The following MAST2 variants were observed in gnomAD, a reference collection of about 807,000 sequenced individuals.
MAST2 encodes the protein microtubule associated serine/threonine kinase 2, also known as microtubule-associated serine/threonine-protein kinase 2.
A neutral mutation model predicts 147.4 loss-of-function variants in MAST2; 70 were observed. The ratio of observed to expected loss-of-function variants is 0.47; its 90% CI spans 0.39 to 0.58. The LOEUF is 0.58. MAST2 is among the 20% of genes least tolerant of loss of function. MAST2 has a pLI of 0.00. For synonymous variants in MAST2, 869 were observed against 896.8 expected (o/e 0.97, Z 0.55); for missense variants, 2,080 against 2,302.3 (o/e 0.90, Z 1.98).
chr1:45,816,051 A>G (rs955895582), intron 1 of MAST2, among the ~76,000 whole-genome samples: 3 of 152,138 alleles, frequency 2.0e-5, no homozygotes, highest in Admixed American at 2.0e-4. Context: ...TTTTCCTTGT[A>G]GACACACAGA....
chr1:46,011,194 G>A (rs533590043), intron 10 of MAST2: 14 of 485,458 alleles, frequency 2.9e-5, no homozygotes, highest in African/African-American at 5.8e-5. Context: ...TGTATTACGC[G>A]AAGCTCCACC....
intron 5 of MAST2, among the ~76,000 whole-genome samples, chr1:45,971,315 T>TAG (rs1643904813): frequency 1.3e-5 from 2 of 152,130 alleles, no homozygotes; most frequent in South Asian, 4.1e-4. Flanking sequence ...TGGTCAGGCC[T>TAG]AGAGAGAGAA....
chr1:45,985,656 C>T (rs1325833582), intron 5 of MAST2, among the ~76,000 whole-genome samples: 1 of 152,152 alleles, frequency 6.6e-6, no homozygotes, highest in Non-Finnish European at 1.5e-5. Context: ...ATCAGACAGG[C>T]AGCTGGTATT....
At chr1:45,967,900 TTA>T (rs1432630262) in intron 5 of MAST2, among the ~76,000 whole-genome samples, 1 of 152,232 alleles carries the variant, frequency 6.6e-6, no homozygotes, top group Non-Finnish European at 1.5e-5. Context: ...TTCATTTCAC[TTA>T]TATATAAGCA....
chr1:46,029,410 C>T, intron 18 of MAST2, 56 bp from the exon 19 acceptor site: 1 of 1,427,984 alleles, frequency 7.0e-7, no homozygotes, highest in Non-Finnish European at 9.8e-7. Flanking sequence ...CCCTCTTCTG[C>T]ATCTCTCCAC....
chr1:45,858,878 C>T (rs1461558033), intron 3 of MAST2, among the ~76,000 whole-genome samples: 1 of 152,062 alleles, frequency 6.6e-6, no homozygotes, highest in Non-Finnish European at 1.5e-5. Context: ...GGAATCCTTT[C>T]CCCATTGTTT....
chr1:45,996,161 C>T (rs1420288737), intron 5 of MAST2, among the ~76,000 whole-genome samples: 2 of 151,558 alleles, frequency 1.3e-5, no homozygotes, highest in East Asian at 3.9e-4. Context: ...ACTATGCGCA[C>T]CTGGAAGATT....
At chr1:45,934,587 G>A (rs532562518) in intron 4 of MAST2, among the ~76,000 whole-genome samples, 3 of 152,280 alleles carry the variant, frequency 2.0e-5, no homozygotes, top group East Asian at 3.9e-4. Context: ...CACCACACCC[G>A]ACTACTTTTT....
intron 3 of MAST2, among the ~76,000 whole-genome samples, chr1:45,841,792 G>A (rs1329469646): frequency 6.6e-6 from 1 of 152,146 alleles, no homozygotes; most frequent in Non-Finnish European, 1.5e-5. Context: ...TTCCTTAGGG[G>A]TATTTATGGA....
chr1:45,955,292 A>G (rs1012550026), intron 4 of MAST2, among the ~76,000 whole-genome samples: 14 of 152,238 alleles, frequency 9.2e-5, no homozygotes, highest in South Asian at 2.1e-4. Context: ...ATATTCGCAT[A>G]TAACCTATAC....
At chr1:45,830,028 T>G (rs2147813976) in intron 3 of MAST2, among the ~76,000 whole-genome samples, 1 of 151,840 alleles carries the variant, frequency 6.6e-6, no homozygotes, top group Middle Eastern at 3.4e-3. Context: ...CTAATTTTTT[T>G]GTATTACTAG....
chr1:45,962,943 C>A (rs199716743), intron 5 of MAST2, among the ~76,000 whole-genome samples: 4,495 of 152,082 alleles, frequency 0.03, 162 homozygotes, highest in East Asian at 0.16. Flanking sequence ...TTTTTGTATA[C>A]GGTGTAAGGA....
rs1646781595 is a variant in MAST2, at chr1:46,033,853, A to C, written c.3589A>C (p.Lys1197Gln). Residue 1197 changes from lysine to glutamine, a missense_variant, in exon 27 of 29, where the codon AAA (lysine) becomes CAA (glutamine). Physicochemically the swap from Lys to Gln is moderately conservative, Grantham distance 53. This residue lies in a region of MAST2 where 1,278 missense variants were observed against 1,304.2 expected (regional missense o/e 0.98). Coordinates refer to ENST00000361297, the MANE Select transcript of MAST2 (RefSeq NM_015112.3). Reference protein sequence around the residue: ...STTPLENTSIKVGPARKGSYK... With the variant: ...STTPLENTSIQVGPARKGSYK... ...AACTCCCCTGGAGAACACATCCATT[A>C]AAGTGGGGCCAGCTCGGAAGGGCAG... is the stretch of plus-strand genomic sequence containing the variant. The C allele has an allele frequency of 6.2e-7, 1 of 1,614,188 alleles. No homozygotes were observed. The highest frequency in any genetic ancestry group is 1.7e-5 in the Admixed American group (1 of 60,018).
At chr1:45,883,692 CTAT>C (rs1262029764) in intron 4 of MAST2, among the ~76,000 whole-genome samples, 1 of 151,644 alleles carries the variant, frequency 6.6e-6, no homozygotes, top group African/African-American at 2.4e-5. Flanking sequence ...TGGATGAATT[CTAT>C]TATTTAAGAG....
At chr1:45,847,130 C>T (rs1390198020) in intron 3 of MAST2, 2 of 493,690 alleles carry the variant, frequency 4.1e-6, no homozygotes, top group South Asian at 1.6e-5. Context: ...AGATTTTTCT[C>T]ATTTTAATAT....
chr1:45,861,954 CCTGA>C (rs1196371124), intron 3 of MAST2, among the ~76,000 whole-genome samples: 4 of 152,164 alleles, frequency 2.6e-5, no homozygotes, highest in Admixed American at 6.5e-5. Flanking sequence ...TTCAGCAGTC[CCTGA>C]CTATCTTTTC....
intron 3 of MAST2, chr1:45,847,369 C>T (rs1645471872): frequency 2.0e-6 from 1 of 506,316 alleles, no homozygotes; most frequent in African/African-American, 2.0e-5. Flanking sequence ...AATTTAAGTA[C>T]CTTTCAGTTA....
At chr1:45,945,112 C>CTGT (rs1657844195) in intron 4 of MAST2, among the ~76,000 whole-genome samples, 1 of 152,070 alleles carries the variant, frequency 6.6e-6, no homozygotes, top group Non-Finnish European at 1.5e-5. Context: ...CCAGCCTGGG[C>CTGT]AACATAGTGA....
chr1:45,938,309 T>C (rs1656602474), intron 4 of MAST2, among the ~76,000 whole-genome samples: 2 of 152,138 alleles, frequency 1.3e-5, no homozygotes, highest in South Asian at 4.1e-4. Context: ...TTGTGTTGTA[T>C]GGTAAGTTTA....
Sources: allele counts gnomAD v4.1 joint callset (sites outside exome capture counted in the v4.1 genomes callset), GRCh38; gene constraint gnomAD v4.1.1; regional missense constraint gnomAD v4.1.1; transcripts MANE v1.5; gene names NCBI Gene and HGNC (gene_info 2026-07-23, HGNC 2026-07-21).